The following KCTD15 variants were observed in gnomAD, a reference collection of about 807,000 sequenced individuals.
The protein encoded by KCTD15 is BTB/POZ domain-containing protein KCTD15.
Under a neutral mutation model 27.2 loss-of-function variants are expected in KCTD15, and 11 were observed. The observed-to-expected ratio is 0.41, with a 90% CI of 0.25 to 0.67. KCTD15 has a LOEUF of 0.67. Ranked by LOEUF, KCTD15 falls within the 30% of genes least tolerant of loss-of-function variation. KCTD15 has a pLI of 0.35. For missense variants in KCTD15, 350 were observed against 409.3 expected (o/e 0.86, Z 1.25); for synonymous variants, 163 against 176.0 (o/e 0.93, Z 0.58).
intron 5 of KCTD15, among the ~76,000 whole-genome samples, chr19:33,810,489 G>A (rs888722514): frequency 1.3e-5 from 2 of 152,094 alleles, no homozygotes; most frequent in African/African-American, 4.8e-5. Flanking sequence ...AGACCAGCCT[G>A]GCCAACATGG....
At position 33,797,285 on chromosome 19, in the gene KCTD15, C is replaced by CGT. The variant is rs1165048425; in HGVS notation, c.-127+299_-127+300insTG. ...GTGTGTGTGTGTGTGTGTGTGTGTG[C>CGT]GCGCGCGCGCGCGCGCGCTTGTGGA... On this transcript the variant is annotated intron_variant, in intron 1 of 6. Coordinates refer to ENST00000683859, the MANE Select transcript of KCTD15 (RefSeq NM_001129994.2). 68 of 44,688 alleles carry CGT rather than the reference C, an allele frequency of 1.5e-3. 3 individuals are homozygous for CGT. Among genetic ancestry groups the CGT allele is most frequent in the Non-Finnish European group, 3.1e-3 (58 of 18,592 alleles). 2.8% of individuals were successfully genotyped at this position (44,688 alleles called of 1,614,324 possible).
In KCTD15 at chr19:33,815,027, A is replaced by G. The variant is rs1203044216; in HGVS notation, c.*2079A>G. ...TCTGAGGCTCCCATCTGAGTGGAGG[A>G]GAAAGTGTTGTGTTTATTAGCAGGA... On this transcript the variant is annotated 3_prime_UTR_variant, in exon 7 of 7. Transcript: ENST00000683859. The G allele has an allele frequency of 1.3e-5, 2 of 152,180 alleles. No individual in the cohort carries two copies. Among genetic ancestry groups the G allele is most frequent in the Non-Finnish European group, 2.9e-5 (2 of 68,030 alleles). 9.4% of individuals were successfully genotyped at this position (152,180 alleles called of 1,614,324 possible). A position where few individuals can be genotyped will look rare whatever the true frequency, so the allele number is the denominator to read the frequency against.
In KCTD15 at chr19:33,812,719, C is replaced by T. The variant is rs1032570400; in HGVS notation, c.694-71C>T. 7.9e-6 allele frequency: 11 copies of T among 1,398,232 alleles called. No individual in the cohort carries two copies. In the African/African-American group the frequency reaches 1.6e-4, roughly 21 times the overall value. 86.6% of individuals were successfully genotyped at this position (1,398,232 alleles called of 1,614,324 possible). A position where few individuals can be genotyped will look rare whatever the true frequency, so the allele number is the denominator to read the frequency against. ...TGCTGGCTGCCCCAGCAGGCACCCA[C>T]CTCCCTGCCAGGCCAAGCCAGGTGT... On this transcript the variant is annotated intron_variant, in intron 6 of 6. Coordinates refer to ENST00000683859, the MANE Select transcript of KCTD15 (RefSeq NM_001129994.2).
rs781570250 is a variant in KCTD15 at position 33,806,952 on chromosome 19, G to C, written c.332G>C (p.Arg111Pro). ...ATTGACCGGGATGGGGAGATTTTCC[G>C]CTACGTCCTGAGCTTCCTGCGGACG... ...YFIDRDGEIF[R>P]YVLSFLRTSK... is the part of the protein sequence containing the mutation. The change falls in exon 5 of 7, where the codon CGC becomes CCC. Residue 111 changes from arginine (R) to proline (P), a missense_variant. This residue lies in a region of KCTD15 where 54 missense variants were observed against 101.8 expected (regional missense o/e 0.53). Coordinates refer to ENST00000683859, the MANE Select transcript of KCTD15 (RefSeq NM_001129994.2). 1 of 1,614,126 alleles carries C rather than the reference G, an allele frequency of 6.2e-7. No individual in the cohort carries two copies. The highest frequency in any genetic ancestry group is 8.5e-7 in the Non-Finnish European group (1 of 1,180,032).
At position 33,804,208 on chromosome 19, in the gene KCTD15, T is replaced by A. The variant is rs1599676983; in HGVS notation, c.243-2655T>A. Among the ~76,000 whole-genome samples, 4 of 152,346 alleles carry A rather than the reference T, an allele frequency of 2.6e-5. 1 individual carries two copies. The highest frequency in any genetic ancestry group is 2.6e-4 in the Admixed American group (4 of 15,302). ...CTGAGGGCATGAAAGGCCTCTGTCC[T>A]GGGAGAGGCGGTACAGCTGCCGCTT... On this transcript the variant is annotated intron_variant, in intron 4 of 6. Coordinates refer to ENST00000683859, the MANE Select transcript of KCTD15 (RefSeq NM_001129994.2).
chr19:33,811,110 G>T, intron 5 of KCTD15, 137 bp from the exon 6 acceptor site: 1 of 722,136 alleles, frequency 1.4e-6, no homozygotes, highest in Middle Eastern at 4.0e-4. Context: ...GGGTGCAACC[G>T]GCCCAGTCCA....
rs1162910819 is a variant in KCTD15 at position 33,811,369 on chromosome 19, G to A, written c.510G>A (p.Val170=). ...GCAGCCGGGCCTGTGACTGCCTGGT[G>A]GTGCGCGTCACGCCCGACTTGGGCG... is the stretch of plus-strand genomic sequence containing the variant. The part of the protein sequence containing the change: ...RRRSRACDCL[V]VRVTPDLGER... Residue 170 remains valine (V), a synonymous_variant, in exon 6 of 7, where the codon GTG becomes GTA. Coordinates refer to ENST00000683859, the MANE Select transcript of KCTD15 (RefSeq NM_001129994.2). The A allele has an allele frequency of 6.3e-7, 1 of 1,583,132 alleles. No individual in the cohort carries two copies. The highest frequency in any genetic ancestry group is 2.3e-5 in the East Asian group (1 of 42,586).
chr19:33,797,247 GGTGTGTGTGTGTGTGT>G lies in KCTD15; in HGVS notation c.-127+282_-127+297del, dbSNP rs751185346. Among the ~76,000 whole-genome samples, 20 of 120,790 alleles carry G rather than the reference GGTGTGTGTGTGTGTGT, an allele frequency of 1.7e-4. No individual in the cohort carries two copies. The South Asian group carries it at 2.3e-3, about 14-fold the overall frequency. 79.2% of individuals were successfully genotyped at this position (120,790 alleles called of 152,430 possible). A position where few individuals can be genotyped will look rare whatever the true frequency, so the allele number is the denominator to read the frequency against. ...GCGGTCTCGGAGCTTCCTGCCGCGC[GGTGTGTGTGTGTGTGT>G]GTGTGTGTGTGTGTGTGTGTGCGCG... is the stretch of plus-strand genomic sequence containing the variant. On this transcript the variant is annotated intron_variant, in intron 1 of 6. Coordinates refer to ENST00000683859, the MANE Select transcript of KCTD15 (RefSeq NM_001129994.2).
intron 5 of KCTD15, among the ~76,000 whole-genome samples, chr19:33,809,151 C>T (rs1336820244): frequency 2.0e-5 from 3 of 151,896 alleles, no homozygotes; most frequent in Non-Finnish European, 4.4e-5. Flanking sequence ...GTGGTGTGCA[C>T]CTGTAGTCCC....
At chr19:33,811,693 T>C (rs1975929490) in intron 6 of KCTD15, 141 bp downstream of exon 6, 1 of 1,522,588 alleles carries the variant, frequency 6.6e-7, no homozygotes, top group African/African-American at 1.4e-5. Context: ...CAACAATGTG[T>C]CGATGCATAA....
At chr19:33,807,698 C>T (rs193083256) in intron 5 of KCTD15, among the ~76,000 whole-genome samples, 8 of 152,002 alleles carry the variant, frequency 5.3e-5, no homozygotes, top group Admixed American at 1.3e-4. Flanking sequence ...CTAGCCTGGG[C>T]GACAGAGCAA....
chr19:33,800,664 C>A (rs966015527), intron 3 of KCTD15, 144 bp downstream of exon 3: 2 of 733,334 alleles, frequency 2.7e-6, no homozygotes, highest in Non-Finnish European at 4.5e-6. Context: ...ATTTTTGAAA[C>A]AAAAATGCTC....
At chr19:33,795,095 C>G (rs865999803), upstream of KCTD15, among the ~76,000 whole-genome samples, 4 of 152,256 alleles carry the variant, frequency 2.6e-5, no homozygotes, top group Non-Finnish European at 4.4e-5. Flanking sequence ...AGGAAATTAA[C>G]TGATGGGGCC....
intron 4 of KCTD15, among the ~76,000 whole-genome samples, chr19:33,804,343 T>A (rs571569554): frequency 3.3e-5 from 5 of 152,240 alleles, no homozygotes; most frequent in Admixed American, 3.3e-4. Context: ...CTAGAACCCA[T>A]CCAGCCCTGG....
chr19:33,808,075 T>C (rs1168618799), intron 5 of KCTD15, among the ~76,000 whole-genome samples: 1 of 152,264 alleles, frequency 6.6e-6, no homozygotes, highest in Non-Finnish European at 1.5e-5. Context: ...GCAGGTGACC[T>C]GGTTCCCTGG....
Position 33,813,066 on chromosome 19 carries a change from G to T in KCTD15, c.*118G>T, listed in dbSNP as rs1437592581. Reference sequence around the variant, plus strand: ...CGAGGGTGAGGCTGGAGGGTCCAAAGCTGGCCCAGCGAGCACCAGGGTCCC... The same window carrying T: ...CGAGGGTGAGGCTGGAGGGTCCAAATCTGGCCCAGCGAGCACCAGGGTCCC... On this transcript the variant is annotated 3_prime_UTR_variant, in exon 7 of 7. Transcript: ENST00000683859. The T allele has an allele frequency of 2.3e-5, 25 of 1,096,250 alleles. No individual in the cohort carries two copies. The East Asian group carries it at 6.4e-4, about 28-fold the overall frequency. The allele number at this position is 1,096,250 out of a possible 1,614,324, so 67.9% of individuals were successfully genotyped here. A position where few individuals can be genotyped will look rare whatever the true frequency, so the allele number is the denominator to read the frequency against.
Position 33,800,520 on chromosome 19 carries a change from G to A in KCTD15, c.66G>A (p.Ala22=), listed in dbSNP as rs142074601. The A allele has an allele frequency of 2.7e-5, 43 of 1,591,234 alleles. No homozygotes were observed. The highest frequency in any genetic ancestry group is 3.5e-5 in the Admixed American group (2 of 56,524). ...ACACACACGGCAGCACCGGCACCGC[G>A]GTGAGCCTGCAGGGTGGGCTGGGTC... ...SLHTHGSTGT[A]EGGNMSRLSL... Residue 22 remains alanine (A), a splice_region_variant and synonymous_variant, in exon 3 of 7, where the codon GCG becomes GCA. Coordinates refer to ENST00000683859, the MANE Select transcript of KCTD15 (RefSeq NM_001129994.2).
upstream of KCTD15, among the ~76,000 whole-genome samples, chr19:33,795,211 C>T (rs1975278725): frequency 6.6e-6 from 1 of 152,160 alleles, no homozygotes; most frequent in South Asian, 2.1e-4. Flanking sequence ...AGAAAATTTC[C>T]CCCTTTTTCC....
chr19:33,807,928 G>A (rs146767801), intron 5 of KCTD15, among the ~76,000 whole-genome samples: 15 of 149,458 alleles, frequency 1.0e-4, no homozygotes, highest in East Asian at 9.7e-4. Context: ...CCTGGATGAC[G>A]GAGCAAGACT....
Sources: allele counts gnomAD v4.1 joint callset (sites outside exome capture counted in the v4.1 genomes callset), GRCh38; gene constraint gnomAD v4.1.1; regional missense constraint gnomAD v4.1.1; transcripts MANE v1.5; gene names NCBI Gene and HGNC (gene_info 2026-07-23, HGNC 2026-07-21).